Variants in TBCCD1 observed in about 807,000 individuals in gnomAD.
TBCCD1 encodes the protein TBCC domain containing 1, also known as TBCC domain-containing protein 1.
A neutral mutation model predicts 53.4 loss-of-function variants in TBCCD1; 26 were observed. That is an observed-to-expected ratio of 0.49 (90% CI 0.36 to 0.68). The LOEUF (loss-of-function observed/expected upper bound fraction) is 0.68, where lower values mean the gene tolerates loss of function less well. TBCCD1 is among the 30% of genes least tolerant of loss of function. TBCCD1 has a pLI of 0.00. For missense variants in TBCCD1, 558 were observed against 669.5 expected (o/e 0.83, Z 1.84); for synonymous variants, 245 against 241.7 (o/e 1.01, Z -0.13).
intron 2 of TBCCD1, among the ~76,000 whole-genome samples, chr3:186,559,837 A>C (rs1373626568): frequency 1.3e-5 from 2 of 152,186 alleles, no homozygotes; most frequent in Non-Finnish European, 2.9e-5. Context: ...CACAATCAGG[A>C]TATTGACACC....
At chr3:186,557,088 G>C (rs963736048) in intron 3 of TBCCD1, among the ~76,000 whole-genome samples, 1 of 152,020 alleles carries the variant, frequency 6.6e-6, no homozygotes, top group African/African-American at 2.4e-5. Context: ...TTTAAATCTG[G>C]CCAATTTCAA....
rs569127767 is a variant in TBCCD1 at position 186,546,182 on chromosome 3, C to A, written c.*795G>T. The A allele has an allele frequency of 2.0e-5, 3 of 152,258 alleles. No homozygotes were observed. The East Asian group carries it at 5.8e-4, about 29-fold the overall frequency. The allele number at this position is 152,258 out of a possible 1,614,324, so 9.4% of individuals were successfully genotyped here. ...ACTAAAATATAGTATAAAACTATTT[C>A]TATGTCTATATACCAACAAATCATA... On this transcript the variant is annotated 3_prime_UTR_variant, in exon 8 of 8. Transcript: ENST00000338733.
rs771696296 is a variant in TBCCD1, at chr3:186,551,112, G to A, written c.*21+17C>T. 6.3e-7 allele frequency: 1 copy of A among 1,594,980 alleles called. No individual in the cohort carries two copies. ...ATTTCCCCAAAAGAATCTGTTTTAA[G>A]TGGTATAAATGCCTACCAGTGTCTG... On this transcript the variant is annotated intron_variant, in intron 7 of 7. Transcript: ENST00000338733.
chr3:186,547,853 C>T (rs527566572), intron 7 of TBCCD1, among the ~76,000 whole-genome samples: 33 of 152,032 alleles, frequency 2.2e-4, no homozygotes, highest in African/African-American at 7.7e-4. Flanking sequence ...GTGATCCACC[C>T]GTCTCGGCCT....
At position 186,554,435 on chromosome 3, in the gene TBCCD1, T is replaced by C. The variant is rs757179000; in HGVS notation, c.1363A>G (p.Thr455Ala). ...GGTGGTAAAAGCTGGAAGACTCTTGTGTCGCTGTTCTCTCTGCACACAACC... is the reference window on the plus strand; with the variant it reads ...GGTGGTAAAAGCTGGAAGACTCTTGCGTCGCTGTTCTCTCTGCACACAACC... Reference protein sequence around the residue: ...PMVVCRENSDTRVFQLLPPCE... With the variant: ...PMVVCRENSDARVFQLLPPCE... Residue 455 changes from threonine (T) to alanine (A), a missense_variant, in exon 6 of 8, where the codon ACA becomes GCA. Coordinates refer to ENST00000338733, the MANE Select transcript of TBCCD1 (RefSeq NM_018138.5). 6.2e-7 allele frequency: 1 copy of C among 1,614,274 alleles called. No individual in the cohort carries two copies.
Position 186,555,171 on chromosome 3 carries a change from A to G in TBCCD1, c.860-87T>C, listed in dbSNP as rs1472311067. The G allele has an allele frequency of 4.7e-6, 6 of 1,287,950 alleles. No homozygotes were observed. The African/African-American group carries it at 6.0e-5, about 13-fold the overall frequency. The allele number at this position is 1,287,950 out of a possible 1,614,324, so 79.8% of individuals were successfully genotyped here. On this transcript the variant is annotated intron_variant, in intron 4 of 7. Transcript: ENST00000338733. ...TATGAGGTTACACGTCTACATGTAT[A>G]TATGTCTCAAATTAGATACCACATG... is the stretch of plus-strand genomic sequence containing the variant.
At position 186,564,274 on chromosome 3, in the gene TBCCD1, G is replaced by C. The variant is rs1422439053; in HGVS notation, c.56C>G (p.Ala19Gly). ...WVKAEPFIVG[A>G]LQVPPPSKFS... ...CTTGGATGGAGGGGGGACCTGCAAG[G>C]CACCCACTATAAAGGGTTCTGCTTT... Residue 19 changes from alanine to glycine, a missense_variant, in exon 2 of 8, where the codon GCC (alanine) becomes GGC (glycine). Physicochemically the swap from Ala to Gly is moderately conservative, Grantham distance 60. Transcript: ENST00000338733. 6.2e-7 allele frequency: 1 copy of C among 1,614,158 alleles called. No individual in the cohort carries two copies. Among genetic ancestry groups the C allele is most frequent in the Non-Finnish European group, 8.5e-7 (1 of 1,180,032 alleles).
chr3:186,564,827 G>A (rs947224876), intron 1 of TBCCD1, among the ~76,000 whole-genome samples: 2 of 152,208 alleles, frequency 1.3e-5, no homozygotes, highest in African/African-American at 4.8e-5. Context: ...AATTCAATAT[G>A]AAGTGCTAAT....
intron 1 of TBCCD1, among the ~76,000 whole-genome samples, chr3:186,566,912 G>A (rs965735891): frequency 1.3e-5 from 2 of 152,200 alleles, no homozygotes; most frequent in African/African-American, 4.8e-5. Context: ...CCAGATCCCA[G>A]AGATGAGCCC....
At chr3:186,551,486 T>C (rs1714379832) in intron 6 of TBCCD1, among the ~76,000 whole-genome samples, 1 of 152,234 alleles carries the variant, frequency 6.6e-6, no homozygotes, top group Non-Finnish European at 1.5e-5. Flanking sequence ...TACTTTTTCA[T>C]TGTCAGATAT....
At chr3:186,569,432 C>T (rs1276399612), upstream of TBCCD1, among the ~76,000 whole-genome samples, 8 of 152,022 alleles carry the variant, frequency 5.3e-5, no homozygotes, top group Non-Finnish European at 1.2e-4. Context: ...AATTCTCCTG[C>T]CTCAGGCTCC....
At chr3:186,569,123 T>C (rs57990062), upstream of TBCCD1, among the ~76,000 whole-genome samples, 40,852 of 151,302 alleles carry the variant, frequency 0.27, 6,995 homozygotes, top group African/African-American at 0.49. Flanking sequence ...TCGGCAGGAA[T>C]GAGCTCGGTG....
rs142873355 is a variant in TBCCD1, at chr3:186,554,679, G to C, written c.1119C>G (p.His373Gln). The C allele has an allele frequency of 6.2e-7, 1 of 1,614,224 alleles. No individual in the cohort carries two copies. The highest frequency in any genetic ancestry group is 1.3e-5 in the African/African-American group (1 of 75,052). The change falls in exon 6 of 8, where the codon CAC becomes CAG. Residue 373 changes from histidine to glutamine, a missense_variant. By Grantham distance (24) the His-to-Gln change is conservative (BLOSUM62 0). Transcript: ENST00000338733. Reference sequence around the variant, plus strand: ...CAATGACTTTAACATTGTCACAACTGTGGAGGTGAAGTGTAGTCCCTACAG... The same window carrying C: ...CAATGACTTTAACATTGTCACAACTCTGGAGGTGAAGTGTAGTCCCTACAG... ...LGPVGTTLHL[H>Q]SCDNVKVIAV... is the part of the protein sequence containing the mutation.
At chr3:186,547,216 T>A (rs1444950479) in intron 7 of TBCCD1, among the ~76,000 whole-genome samples, 1 of 152,090 alleles carries the variant, frequency 6.6e-6, no homozygotes, top group Non-Finnish European at 1.5e-5. Flanking sequence ...TACCCGCTTA[T>A]AGTTCACATT....
chr3:186,551,755 G>A lies in TBCCD1; in HGVS notation c.1545-476C>T, dbSNP rs559700632. Among the ~76,000 whole-genome samples the A allele has an allele frequency of 1.3e-3, 195 of 152,268 alleles. 1 individual carries two copies. Among genetic ancestry groups the A allele is most frequent in the African/African-American group, 4.4e-3 (183 of 41,560 alleles). ...TTTGGGAGGCCAACGCGGGTGGATC[G>A]CTTGAGGCCAGGAGTTCAAGACCAG... is the stretch of plus-strand genomic sequence containing the variant. On this transcript the variant is annotated intron_variant, in intron 6 of 7. Transcript: ENST00000338733.
chr3:186,556,917 TC>T, intron 3 of TBCCD1, 142 bp from the exon 4 acceptor site: 1 of 1,065,420 alleles, frequency 9.4e-7, no homozygotes, highest in South Asian at 1.9e-5. Context: ...ATAAAGGTGA[TC>T]CGCCCGGCTT....
At chr3:186,566,374 C>T (rs893577319) in intron 1 of TBCCD1, among the ~76,000 whole-genome samples, 23 of 152,250 alleles carry the variant, frequency 1.5e-4, no homozygotes, top group Admixed American at 9.2e-4. Context: ...ATCATCTGTT[C>T]GGAAAAATAA....
At position 186,561,605 on chromosome 3, in the gene TBCCD1, T is replaced by C. The variant is rs1322292882; in HGVS notation, c.336+2389A>G. On this transcript the variant is annotated intron_variant, in intron 2 of 7. Transcript: ENST00000338733. ...GAGATTGAGACCATCCTGGCTAACA[T>C]GGTGAACCCCATCTCTATTAAAAAA... Among the ~76,000 whole-genome samples the C allele has an allele frequency of 3.9e-5, 6 of 152,198 alleles. No homozygotes were observed. The East Asian group carries it at 1.2e-3, about 29-fold the overall frequency.
In TBCCD1 at chr3:186,558,578, CAAG is replaced by C; in HGVS notation, c.337-9_337-7del. 6.2e-7 allele frequency: 1 copy of C among 1,611,002 alleles called. No homozygotes were observed. Among genetic ancestry groups the C allele is most frequent in the Non-Finnish European group, 8.5e-7 (1 of 1,178,878 alleles). ...TGTAGCGTGTCCACTGAAAGCTGTCCAAGAAGAAAATAAAAGATGAATAGACGT... is the reference window on the plus strand; with the variant it reads ...TGTAGCGTGTCCACTGAAAGCTGTCCAAGAAAATAAAAGATGAATAGACGT... On this transcript the variant is annotated splice_region_variant and splice_polypyrimidine_tract_variant and intron_variant, in intron 2 of 7. Coordinates refer to ENST00000338733, the MANE Select transcript of TBCCD1 (RefSeq NM_018138.5).
Sources: gnomAD v4.1 joint callset for allele counts (sites outside exome capture counted in the v4.1 genomes callset) on GRCh38, gnomAD v4.1.1 for gene constraint, MANE v1.5 for transcripts, NCBI Gene and HGNC (gene_info 2026-07-23, HGNC 2026-07-21) for gene names.